Variants in DENND5B observed in about 807,000 individuals in gnomAD.
DENND5B encodes the protein DENN domain-containing protein 5B.
DENND5B carries 34 observed loss-of-function variants against 140.6 expected under a neutral mutation model. The observed-to-expected ratio is 0.24, with a 90% CI of 0.18 to 0.32. DENND5B has a LOEUF of 0.32. Among genes scored for constraint, DENND5B ranks in the 10% least tolerant of loss-of-function variants. The pLI is 1.00. For missense variants in DENND5B, 1,142 were observed against 1,560.2 expected (o/e 0.73, Z 4.52); for synonymous variants, 551 against 562.1 (o/e 0.98, Z 0.28).
chr12:31,530,057 C>T (rs1458269572), intron 1 of DENND5B, among the ~76,000 whole-genome samples: 1 of 152,088 alleles, frequency 6.6e-6, no homozygotes, highest in Non-Finnish European at 1.5e-5. Context: ...AGTCACATAT[C>T]TAAAGAGGAG....
chr12:31,535,150 A>AAGCCACTCTGGTACC (rs1462877821), intron 1 of DENND5B: 4 of 341,834 alleles, frequency 1.2e-5, no homozygotes, highest in South Asian at 8.4e-5. Flanking sequence ...GGTAAGAAAG[A>AAGCCACTCTGGTACC]AGCCACTCTG....
chr12:31,408,724 C>A (rs1302533876), intron 14 of DENND5B, among the ~76,000 whole-genome samples: 1 of 150,238 alleles, frequency 6.7e-6, no homozygotes, highest in Non-Finnish European at 1.5e-5. Flanking sequence ...CACACAGATA[C>A]TTTGATTTTA....
At chr12:31,398,905 T>C (rs1260863602) in intron 16 of DENND5B, among the ~76,000 whole-genome samples, 1 of 151,806 alleles carries the variant, frequency 6.6e-6, no homozygotes, top group African/African-American at 2.4e-5. Flanking sequence ...GTGGAACACT[T>C]GAGGTTAGGA....
intron 3 of DENND5B, among the ~76,000 whole-genome samples, chr12:31,462,411 C>G (rs1237473922): frequency 6.6e-6 from 1 of 151,992 alleles, no homozygotes; most frequent in African/African-American, 2.4e-5. Flanking sequence ...TGGATGGCCC[C>G]TAGAAGTAGA....
At chr12:31,494,181 TATCC>T (rs140870680) in intron 2 of DENND5B, among the ~76,000 whole-genome samples, 5,020 of 85,530 alleles carry the variant, frequency 0.059, 354 homozygotes, top group African/African-American at 0.17. Flanking sequence ...TCTATCTATC[TATCC>T]ATCCATCCAT....
At chr12:31,565,916 T>A (rs1949609499) in intron 1 of DENND5B, among the ~76,000 whole-genome samples, 1 of 151,498 alleles carries the variant, frequency 6.6e-6, no homozygotes, top group East Asian at 1.9e-4. Flanking sequence ...CTAGGGCAGG[T>A]GGATTGCTTG....
intron 1 of DENND5B, among the ~76,000 whole-genome samples, chr12:31,575,257 C>T (rs997681205): frequency 6.6e-6 from 1 of 152,204 alleles, no homozygotes; most frequent in Non-Finnish European, 1.5e-5. Context: ...AAATCACCTA[C>T]AAGCTTTAAA....
At chr12:31,474,271 CAAT>C (rs34606393) in intron 3 of DENND5B, among the ~76,000 whole-genome samples, 20,362 of 152,084 alleles carry the variant, frequency 0.13, 1,598 homozygotes, top group Non-Finnish European at 0.18. Flanking sequence ...TCTTAGACTT[CAAT>C]TATTGGTATC....
At chr12:31,559,276 A>G (rs1949396638) in intron 1 of DENND5B, among the ~76,000 whole-genome samples, 1 of 152,178 alleles carries the variant, frequency 6.6e-6, no homozygotes, top group Admixed American at 6.5e-5. Flanking sequence ...CTCAAAGACA[A>G]GCTTACAAAA....
At position 31,386,527 on chromosome 12, in the gene DENND5B, C is replaced by T. The variant is rs1255252074; in HGVS notation, c.*1076G>A. On this transcript the variant is annotated 3_prime_UTR_variant, in exon 21 of 21. Transcript: ENST00000389082. ...CTGAAACACCCAGAAAGGGTTCATTCTCTCTCTCCTTCTGTTATTTGCATT... is the reference window on the plus strand; with the variant it reads ...CTGAAACACCCAGAAAGGGTTCATTTTCTCTCTCCTTCTGTTATTTGCATT... 1 of 152,188 alleles carries T rather than the reference C, an allele frequency of 6.6e-6. No individual in the cohort carries two copies. The highest frequency in any genetic ancestry group is 2.4e-5 in the African/African-American group (1 of 41,436). The allele number at this position is 152,188 out of a possible 1,614,324, so 9.4% of individuals were successfully genotyped here.
intron 1 of DENND5B, chr12:31,535,073 CAAAAAAAAAAAA>C (rs747166398): frequency 1.6e-4 from 15 of 95,906 alleles, no homozygotes; most frequent in South Asian, 3.3e-4. Context: ...GACTCTGTCT[CAAAAAAAAAAAA>C]AAAAAAAAAA....
At chr12:31,467,473 A>G (rs1241522737) in intron 3 of DENND5B, among the ~76,000 whole-genome samples, 1 of 152,026 alleles carries the variant, frequency 6.6e-6, no homozygotes, top group Non-Finnish European at 1.5e-5. Context: ...AAAAGAAAAA[A>G]AAAAAGTAAG....
intron 3 of DENND5B, among the ~76,000 whole-genome samples, chr12:31,476,414 T>A (rs1591871825): frequency 6.6e-6 from 1 of 151,580 alleles, no homozygotes; most frequent in East Asian, 1.9e-4. Flanking sequence ...TTAGTCAGTG[T>A]CAATTATACC....
intron 1 of DENND5B, among the ~76,000 whole-genome samples, chr12:31,502,422 G>C (rs1365479896): frequency 6.6e-6 from 1 of 152,092 alleles, no homozygotes; most frequent in Non-Finnish European, 1.5e-5. Context: ...GCTTTATACT[G>C]ATATCCCATT....
chr12:31,561,786 A>G (rs576303918), intron 1 of DENND5B, among the ~76,000 whole-genome samples: 2 of 152,344 alleles, frequency 1.3e-5, no homozygotes, highest in Admixed American at 6.5e-5. Flanking sequence ...TTAAGAGTGT[A>G]GTAACTACAG....
intron 8 of DENND5B, among the ~76,000 whole-genome samples, chr12:31,428,418 T>G (rs952465287): frequency 2.0e-5 from 3 of 152,208 alleles, no homozygotes; most frequent in Non-Finnish European, 4.4e-5. Context: ...TTTTTATTTT[T>G]TGAGACGGAA....
chr12:31,534,010 G>C (rs560076903), intron 1 of DENND5B, among the ~76,000 whole-genome samples: 56 of 151,830 alleles, frequency 3.7e-4, no homozygotes, highest in African/African-American at 1.3e-3. Flanking sequence ...CAATATTTAA[G>C]ACTTAAATTT....
chr12:31,388,776 A>G (rs1177809751), intron 20 of DENND5B, among the ~76,000 whole-genome samples: 2 of 152,218 alleles, frequency 1.3e-5, no homozygotes, highest in Non-Finnish European at 2.9e-5. Context: ...AGAGAAGATG[A>G]TATTTATATA....
At chr12:31,586,360 G>A (rs1950392942) in intron 1 of DENND5B, among the ~76,000 whole-genome samples, 4 of 152,148 alleles carry the variant, frequency 2.6e-5, no homozygotes, top group Admixed American at 2.6e-4. Context: ...CATGGGCAAA[G>A]TACCTCTTGA....
Sources: allele counts gnomAD v4.1 joint callset (sites outside exome capture counted in the v4.1 genomes callset), GRCh38; gene constraint gnomAD v4.1.1; transcripts MANE v1.5; gene names NCBI Gene and HGNC (gene_info 2026-07-23, HGNC 2026-07-21).